KCNMA1: variants seen among roughly 807,000 people sequenced by gnomAD.
KCNMA1 encodes the protein potassium calcium-activated channel subfamily M alpha 1.
KCNMA1 carries 29 observed loss-of-function variants against 140.0 expected under a neutral mutation model. The observed-to-expected ratio is 0.21, with a 90% CI of 0.15 to 0.28. The LOEUF is 0.28. KCNMA1 is among the 10% of genes least tolerant of loss of function. The probability of loss-of-function intolerance (pLI) is 1.00; values close to 1 mark genes in which losing one functional copy is unlikely to be tolerated. For synonymous variants in KCNMA1, 612 were observed against 611.9 expected (o/e 1.00, Z 0.00); for missense variants, 880 against 1,602.2 (o/e 0.55, Z 7.70).
chr10:77,242,073 T>C (rs1199137590), intron 3 of KCNMA1, among the ~76,000 whole-genome samples: 2 of 152,134 alleles, frequency 1.3e-5, no homozygotes, highest in Non-Finnish European at 2.9e-5. Flanking sequence ...CTCCCCATCA[T>C]GCCCCTGTGA....
intron 1 of KCNMA1, among the ~76,000 whole-genome samples, chr10:77,580,997 T>C (rs2075707049): frequency 6.6e-6 from 1 of 152,236 alleles, no homozygotes; most frequent in African/African-American, 2.4e-5. Flanking sequence ...TGTGCCATCA[T>C]ACAGGTCCCC....
chr10:77,118,978 G>A (rs1419771754), intron 6 of KCNMA1, among the ~76,000 whole-genome samples: 4 of 152,228 alleles, frequency 2.6e-5, no homozygotes, highest in Non-Finnish European at 5.9e-5. Flanking sequence ...CTAACAACAA[G>A]AGTTTCATAT....
At chr10:76,959,894 T>A (rs1348072679) in intron 20 of KCNMA1, among the ~76,000 whole-genome samples, 1 of 152,226 alleles carries the variant, frequency 6.6e-6, no homozygotes, top group Non-Finnish European at 1.5e-5. Context: ...TATCGGGCTC[T>A]GTGTATACAT....
chr10:77,247,014 G>A (rs1025415152), intron 3 of KCNMA1, among the ~76,000 whole-genome samples: 3 of 152,198 alleles, frequency 2.0e-5, no homozygotes, highest in Admixed American at 1.3e-4. Context: ...ATTTAACAAC[G>A]TATAACCTTT....
intron 9 of KCNMA1, among the ~76,000 whole-genome samples, chr10:77,107,965 G>A (rs1415236767): frequency 6.6e-6 from 1 of 152,128 alleles, no homozygotes; most frequent in Non-Finnish European, 1.5e-5. Flanking sequence ...TGAGGGACCA[G>A]AATTTTATCA....
Position 77,001,417 on chromosome 10 carries a change from A to G in KCNMA1, c.2256T>C (p.Ser752=). Residue 752 remains serine (S), a synonymous_variant, in exon 19 of 28, where the codon AGT becomes AGC. Coordinates refer to ENST00000286628, the MANE Select transcript of KCNMA1 (RefSeq NM_001161352.2). The part of the protein sequence containing the change: ...SSVSVNDCST[S]FRAFEDEQPS... ...TGAGGTTAAACTTACAGGCACGGAA[A>G]CTGGTGGAGCAATCATTAACAGAGA... 6.4e-7 allele frequency: 1 copy of G among 1,551,672 alleles called. No individual in the cohort carries two copies. The highest frequency in any genetic ancestry group is 8.7e-7 in the Non-Finnish European group (1 of 1,146,944).
At chr10:77,241,886 G>A (rs889757939) in intron 3 of KCNMA1, among the ~76,000 whole-genome samples, 66 of 152,154 alleles carry the variant, frequency 4.3e-4, no homozygotes, top group African/African-American at 1.2e-3. Flanking sequence ...CAATGCAGCC[G>A]CAAAATATAA....
At chr10:76,976,368 G>A (rs760749787) in intron 19 of KCNMA1, among the ~76,000 whole-genome samples, 8 of 152,260 alleles carry the variant, frequency 5.3e-5, no homozygotes, top group African/African-American at 1.7e-4. Context: ...TAGGAAACCT[G>A]AATTGTGTAA....
intron 21 of KCNMA1, chr10:76,951,888 C>T: frequency 1.3e-6 from 1 of 777,890 alleles, no homozygotes; most frequent in Non-Finnish European, 2.1e-6. Context: ...TCCCCCAGCC[C>T]CACCCTGCTA....
Position 76,915,036 on chromosome 10 carries a change from T to C in KCNMA1, c.2916A>G (p.Pro972=), listed in dbSNP as rs370156084. ...TATCTGGAGAGGATCTATCCATTCC[T>C]GGAGGTGTGAACCCTAGTGGGAAGG... The part of the protein sequence containing the change: ...LQANSQGFTP[P]GMDRSSPDNS... Residue 972 remains proline, a synonymous_variant, in exon 24 of 28, where the codon CCA becomes CCG. Coordinates refer to ENST00000286628, the MANE Select transcript of KCNMA1 (RefSeq NM_001161352.2). 12 of 1,612,236 alleles carry C rather than the reference T, an allele frequency of 7.4e-6. No homozygotes were observed. The highest frequency in any genetic ancestry group is 2.7e-5 in the African/African-American group (2 of 74,822).
At chr10:77,192,045 C>T (rs760945967) in intron 3 of KCNMA1, among the ~76,000 whole-genome samples, 3 of 152,112 alleles carry the variant, frequency 2.0e-5, no homozygotes, top group Non-Finnish European at 2.9e-5. Flanking sequence ...CATCCATATA[C>T]ACTCTGTATT....
intron 2 of KCNMA1, among the ~76,000 whole-genome samples, chr10:77,349,299 C>G (rs555670236): frequency 7.3e-4 from 111 of 152,288 alleles, no homozygotes; most frequent in Admixed American, 5.1e-3. Context: ...ATGAACCAGA[C>G]AGCGGGCCCT....
At position 76,933,184 on chromosome 10, in the gene KCNMA1, G is replaced by C. The variant is rs1015805130; in HGVS notation, c.2902+11589C>G. ...AGGGAAAGTGTAGGTTTTTAATACA[G>C]GTATTTGGCTGCTTTATCTCATTTG... is the stretch of plus-strand genomic sequence containing the variant. On this transcript the variant is annotated intron_variant, in intron 23 of 27. Coordinates refer to ENST00000286628, the MANE Select transcript of KCNMA1 (RefSeq NM_001161352.2). Among the ~76,000 whole-genome samples the C allele has an allele frequency of 5.9e-5, 9 of 152,292 alleles. No individual in the cohort carries two copies. The Middle Eastern group carries it at 0.01, about 173-fold the overall frequency.
chr10:77,304,758 T>C (rs1219822312), intron 2 of KCNMA1, among the ~76,000 whole-genome samples: 1 of 152,166 alleles, frequency 6.6e-6, no homozygotes, highest in African/African-American at 2.4e-5. Flanking sequence ...GTGGGCAGGA[T>C]TGACTTCAGT....
At chr10:77,475,531 T>C (rs978773292) in intron 1 of KCNMA1, among the ~76,000 whole-genome samples, 2 of 151,994 alleles carry the variant, frequency 1.3e-5, no homozygotes, top group South Asian at 2.1e-4. Context: ...ACCAATACAA[T>C]CTCCCAGGTA....
At chr10:77,374,815 A>G (rs1306588065) in intron 2 of KCNMA1, among the ~76,000 whole-genome samples, 1 of 152,036 alleles carries the variant, frequency 6.6e-6, no homozygotes, top group African/African-American at 2.4e-5. Flanking sequence ...GTTCCCCATG[A>G]CCCCTAGGAC....
chr10:77,475,403 T>C (rs1342016385), intron 1 of KCNMA1, among the ~76,000 whole-genome samples: 1 of 152,052 alleles, frequency 6.6e-6, no homozygotes, highest in East Asian at 1.9e-4. Flanking sequence ...TGCTTTAGGA[T>C]TGTGGTTTCG....
At chr10:77,403,741 C>T (rs1459301043) in intron 2 of KCNMA1, 121 bp downstream of exon 2, 5 of 968,568 alleles carry the variant, frequency 5.2e-6, no homozygotes, top group South Asian at 1.6e-5. Context: ...TTGCTGCTCA[C>T]CCCCACCTCC....
At chr10:77,291,581 T>A (rs1359217062) in intron 2 of KCNMA1, among the ~76,000 whole-genome samples, 2 of 152,208 alleles carry the variant, frequency 1.3e-5, no homozygotes, top group East Asian at 3.9e-4. Flanking sequence ...GAAGGAGATG[T>A]ATTAATGGGT....
Sources: allele counts gnomAD v4.1 joint callset (sites outside exome capture counted in the v4.1 genomes callset), GRCh38; gene constraint gnomAD v4.1.1; transcripts MANE v1.5; gene names NCBI Gene and HGNC (gene_info 2026-07-23, HGNC 2026-07-21).